Variants in KAZN observed in about 807,000 individuals in gnomAD.
The protein encoded by KAZN is kazrin, periplakin interacting protein, also known as kazrin.
KAZN carries 40 observed loss-of-function variants against 87.4 expected under a neutral mutation model. That is an observed-to-expected ratio of 0.46 (90% CI 0.36 to 0.60). The LOEUF (loss-of-function observed/expected upper bound fraction) is 0.60, where lower values mean the gene tolerates loss of function less well. Ranked by LOEUF, KAZN falls within the 20% of genes least tolerant of loss-of-function variation. KAZN has a pLI of 0.00. For synonymous variants in KAZN, 466 were observed against 458.3 expected, an observed-to-expected ratio of 1.02 and a Z score of -0.22; for missense variants, 898 against 1,073.9, an observed-to-expected ratio of 0.84 and a Z score of 2.29.
intron 1 of KAZN, among the ~76,000 whole-genome samples, chr1:14,047,874 AAAG>A (rs1642143510): frequency 7.8e-6 from 1 of 128,132 alleles, no homozygotes; most frequent in Non-Finnish European, 1.8e-5. Flanking sequence ...GAAAAAGAAA[AAAG>A]AAAAAAAAAA....
At chr1:14,449,464 C>G (rs1278414212) in intron 2 of KAZN, among the ~76,000 whole-genome samples, 1 of 152,210 alleles carries the variant, frequency 6.6e-6, no homozygotes, top group African/African-American at 2.4e-5. Flanking sequence ...GAGCTTAAAG[C>G]TTCTTAATTT....
intron 1 of KAZN, among the ~76,000 whole-genome samples, chr1:14,747,618 A>G (rs1644297065): frequency 6.6e-6 from 1 of 152,174 alleles, no homozygotes; most frequent in Non-Finnish European, 1.5e-5. Context: ...ATCAATAAGC[A>G]TTTGCGTAGT....
At chr1:14,110,222 C>T (rs6699506) in intron 1 of KAZN, among the ~76,000 whole-genome samples, 11 of 152,222 alleles carry the variant, frequency 7.2e-5, no homozygotes, top group Non-Finnish European at 1.3e-4. Flanking sequence ...GTTTCCTTCA[C>T]GTGCAAATTT....
chr1:14,418,774 T>A (rs1665060544), intron 2 of KAZN, among the ~76,000 whole-genome samples: 1 of 152,176 alleles, frequency 6.6e-6, no homozygotes, highest in South Asian at 2.1e-4. Flanking sequence ...GCCAGACCCT[T>A]CTCCCACTCA....
At chr1:14,083,826 C>G (rs1484534126) in intron 1 of KAZN, among the ~76,000 whole-genome samples, 2 of 152,210 alleles carry the variant, frequency 1.3e-5, no homozygotes, top group Non-Finnish European at 2.9e-5. Flanking sequence ...TCAGCATTGT[C>G]CCTCTGATTA....
intron 1 of KAZN, among the ~76,000 whole-genome samples, chr1:14,909,820 G>C (rs981427078): frequency 6.6e-6 from 1 of 152,136 alleles, no homozygotes; most frequent in African/African-American, 2.4e-5. Context: ...TGAGGCAGGC[G>C]GATCACCTGA....
intron 1 of KAZN, among the ~76,000 whole-genome samples, chr1:14,132,904 C>T (rs551718311): frequency 1.6e-3 from 246 of 152,196 alleles, no homozygotes; most frequent in Non-Finnish European, 2.8e-3. Context: ...ACACTTCCAT[C>T]GTTATGGTCC....
chr1:14,503,440 C>T lies in KAZN; in HGVS notation c.250-95543C>T, dbSNP rs569491509. Among the ~76,000 whole-genome samples, 449 of 150,774 alleles carry T rather than the reference C, an allele frequency of 3.0e-3. 3 individuals carry two copies. The highest frequency in any genetic ancestry group is 0.01 in the African/African-American group (429 of 40,920). ...CAGAGCTTGCAGTGAGCCGACATCA[C>T]GCCACTGCTCTCCAGCCTGGGCGAC... On this transcript the variant is annotated intron_variant, in intron 2 of 16. Coordinates refer to the KAZN transcript ENST00000636203.
intron 2 of KAZN, among the ~76,000 whole-genome samples, chr1:14,345,545 T>C (rs1658046910): frequency 6.6e-6 from 1 of 152,234 alleles, no homozygotes; most frequent in Admixed American, 6.5e-5. Flanking sequence ...ATTCCTGTTC[T>C]TTCACACTGT....
chr1:14,264,737 A>G (rs1651341976), intron 2 of KAZN, among the ~76,000 whole-genome samples: 1 of 152,222 alleles, frequency 6.6e-6, no homozygotes, highest in Non-Finnish European at 1.5e-5. Context: ...ATAACACAAA[A>G]CAGACTACGA....
At chr1:14,434,984 G>A (rs890609019) in intron 2 of KAZN, among the ~76,000 whole-genome samples, 6 of 152,064 alleles carry the variant, frequency 3.9e-5, no homozygotes, top group Non-Finnish European at 5.9e-5. Context: ...AGGTGTGTAC[G>A]AGGCTGTCAG....
chr1:14,643,725 C>T (rs144226262), intron 1 of KAZN, among the ~76,000 whole-genome samples: 4 of 152,260 alleles, frequency 2.6e-5, no homozygotes, highest in Admixed American at 6.5e-5. Flanking sequence ...ACTTTTAGCT[C>T]TCTGAGGAAT....
chr1:14,263,013 G>A (rs575672258), intron 2 of KAZN, among the ~76,000 whole-genome samples: 10 of 152,270 alleles, frequency 6.6e-5, no homozygotes, highest in South Asian at 2.1e-4. Flanking sequence ...GCGTGCATGC[G>A]TGTATATCCA....
At chr1:14,516,120 C>T (rs975842040) in intron 2 of KAZN, among the ~76,000 whole-genome samples, 1 of 152,186 alleles carries the variant, frequency 6.6e-6, no homozygotes, top group African/African-American at 2.4e-5. Flanking sequence ...GCTTGAGCAG[C>T]AAGTCGAACG....
intron 1 of KAZN, among the ~76,000 whole-genome samples, chr1:14,914,254 T>A (rs1657558269): frequency 6.6e-6 from 1 of 152,212 alleles, no homozygotes; most frequent in Non-Finnish European, 1.5e-5. Flanking sequence ...ACCGCTGCCC[T>A]AGGGCTTACC....
intron 1 of KAZN, among the ~76,000 whole-genome samples, chr1:14,143,320 G>A (rs1014637166): frequency 2.6e-5 from 4 of 152,138 alleles, no homozygotes. Flanking sequence ...AGCCTGTTAG[G>A]AAGTCCTCCT....
At chr1:14,125,751 T>G (rs2001150) in intron 1 of KAZN, among the ~76,000 whole-genome samples, 86,940 of 151,804 alleles carry the variant, frequency 0.57, 26,143 homozygotes, top group East Asian at 0.76. Context: ...ATGAATGCAG[T>G]GGAAAAAAGC....
chr1:14,048,484 AC>A (rs1201229101), intron 1 of KAZN, among the ~76,000 whole-genome samples: 1 of 151,256 alleles, frequency 6.6e-6, no homozygotes, highest in Non-Finnish European at 1.5e-5. Flanking sequence ...GCTCACTGCA[AC>A]CTCTACCTCT....
chr1:14,453,218 G>A (rs1294615038), intron 2 of KAZN, among the ~76,000 whole-genome samples: 1 of 152,052 alleles, frequency 6.6e-6, no homozygotes, highest in East Asian at 1.9e-4. Context: ...GCCTCCCAAA[G>A]TGCTGGGATT....
Sources: allele counts gnomAD v4.1 joint callset (sites outside exome capture counted in the v4.1 genomes callset), GRCh38; gene constraint gnomAD v4.1.1; transcripts MANE v1.5; gene names NCBI Gene and HGNC (gene_info 2026-07-23, HGNC 2026-07-21).